Variants in RAP1GAP2 observed in about 807,000 individuals in gnomAD.
RAP1GAP2 encodes the protein RAP1 GTPase activating protein 2.
A neutral mutation model predicts 95.0 loss-of-function variants in RAP1GAP2; 27 were observed. The observed-to-expected ratio is 0.28, with a 90% confidence interval of 0.21 to 0.39. The LOEUF (loss-of-function observed/expected upper bound fraction) is 0.39. RAP1GAP2 is among the 10% of genes least tolerant of loss of function. The pLI is 1.00. For synonymous variants in RAP1GAP2, 373 were observed against 380.9 expected (o/e 0.98, Z 0.24); for missense variants, 771 against 970.0 (o/e 0.79, Z 2.72).
chr17:2,959,206 C>T (rs1304427245), intron 4 of RAP1GAP2, among the ~76,000 whole-genome samples: 1 of 152,150 alleles, frequency 6.6e-6, no homozygotes, highest in Admixed American at 6.6e-5. Flanking sequence ...AGTCCCCTTC[C>T]CACAACTTTG....
chr17:2,940,470 G>C (rs942878212), intron 3 of RAP1GAP2, among the ~76,000 whole-genome samples: 11 of 152,236 alleles, frequency 7.2e-5, no homozygotes, highest in Admixed American at 2.6e-4. Flanking sequence ...CATGGCGAGA[G>C]GGGGAGGGAC....
At chr17:2,794,394 G>T (rs571266724), upstream of RAP1GAP2, among the ~76,000 whole-genome samples, 5 of 152,280 alleles carry the variant, frequency 3.3e-5, no homozygotes, top group African/African-American at 1.2e-4. Context: ...AGTTGTCCAC[G>T]GTACCTGTTG....
At chr17:2,784,491 G>A (rs1292394253) in intron 1 of RAP1GAP2, among the ~76,000 whole-genome samples, 1 of 149,330 alleles carries the variant, frequency 6.7e-6, no homozygotes, top group Non-Finnish European at 1.5e-5. Flanking sequence ...GGCTGGTCTT[G>A]AACTCCTGAC....
At chr17:2,929,577 G>A (rs894971640) in intron 3 of RAP1GAP2, among the ~76,000 whole-genome samples, 6 of 152,154 alleles carry the variant, frequency 3.9e-5, no homozygotes, top group Admixed American at 6.5e-5. Flanking sequence ...GCATCAACAC[G>A]GGGAGCAGGT....
At chr17:2,874,889 A>C (rs779089335) in intron 2 of RAP1GAP2, among the ~76,000 whole-genome samples, 2 of 152,114 alleles carry the variant, frequency 1.3e-5, no homozygotes, top group Admixed American at 6.5e-5. Context: ...ACACAGCCTC[A>C]TACTCGCTTC....
At chr17:2,837,428 A>C (rs2071182223) in intron 2 of RAP1GAP2, among the ~76,000 whole-genome samples, 1 of 151,842 alleles carries the variant, frequency 6.6e-6, no homozygotes, top group Non-Finnish European at 1.5e-5. Context: ...TGTCAGCTAG[A>C]GGAAGGGGCC....
chr17:2,771,162 G>A (rs542852982), intron 2 of RAP1GAP2, among the ~76,000 whole-genome samples: 2 of 152,202 alleles, frequency 1.3e-5, no homozygotes, highest in Non-Finnish European at 2.9e-5. Flanking sequence ...TGGAGGGAGA[G>A]TGGCAGGTAA....
intron 8 of RAP1GAP2, among the ~76,000 whole-genome samples, chr17:2,970,402 GT>G (rs2044816127): frequency 6.6e-6 from 1 of 151,696 alleles, no homozygotes; most frequent in South Asian, 2.1e-4. Flanking sequence ...GATTATGATA[GT>G]TTCTCAGATG....
upstream of RAP1GAP2, among the ~76,000 whole-genome samples, chr17:2,776,724 T>C (rs2068508845): frequency 6.7e-6 from 1 of 148,850 alleles, no homozygotes; most frequent in South Asian, 2.1e-4. Flanking sequence ...GCGCCAGGTG[T>C]GCGGGCGGTG....
intron 3 of RAP1GAP2, 102 bp from the exon 4 acceptor site, chr17:2,957,657 A>G: frequency 7.7e-7 from 1 of 1,299,544 alleles, no homozygotes; most frequent in Non-Finnish European, 1.1e-6. Flanking sequence ...GTCCCTGGGG[A>G]AGCCCCAGGC....
intron 11 of RAP1GAP2, among the ~76,000 whole-genome samples, chr17:2,985,995 C>T (rs962362474): frequency 1.3e-5 from 2 of 152,066 alleles, no homozygotes; most frequent in Non-Finnish European, 2.9e-5. Context: ...CCCATTTCAT[C>T]TTTGTATCAT....
chr17:3,012,927 C>T (rs1018969763), intron 17 of RAP1GAP2, among the ~76,000 whole-genome samples: 7 of 152,132 alleles, frequency 4.6e-5, no homozygotes, highest in African/African-American at 1.2e-4. Context: ...CTTGCTGTAC[C>T]GACGTCAGAT....
intron 3 of RAP1GAP2, among the ~76,000 whole-genome samples, chr17:2,936,449 AAC>A (rs1266989762): frequency 6.6e-6 from 1 of 151,416 alleles, no homozygotes; most frequent in Non-Finnish European, 1.5e-5. Flanking sequence ...CTCTGAGGTT[AAC>A]ACAGACAAAC....
chr17:2,973,174 G>A (rs1339064161), intron 8 of RAP1GAP2, among the ~76,000 whole-genome samples: 1 of 152,116 alleles, frequency 6.6e-6, no homozygotes, highest in Non-Finnish European at 1.5e-5. Flanking sequence ...AAGAGTCATA[G>A]GAGAGGTACT....
intron 3 of RAP1GAP2, among the ~76,000 whole-genome samples, chr17:2,932,549 C>T (rs2043186668): frequency 7.0e-6 from 1 of 143,768 alleles, no homozygotes; most frequent in Non-Finnish European, 1.5e-5. Flanking sequence ...CGCGCCACTG[C>T]ACTCCAGCCT....
chr17:2,869,139 C>T (rs2072738365), intron 2 of RAP1GAP2, among the ~76,000 whole-genome samples: 1 of 152,136 alleles, frequency 6.6e-6, no homozygotes, highest in Admixed American at 6.5e-5. Context: ...TTCCTCATAC[C>T]ACGGCAGTGT....
At chr17:2,878,099 G>C (rs540811421) in intron 2 of RAP1GAP2, among the ~76,000 whole-genome samples, 1 of 152,118 alleles carries the variant, frequency 6.6e-6, no homozygotes, top group Non-Finnish European at 1.5e-5. Context: ...ATGCAGATGC[G>C]TAAAGGTGGG....
Position 2,993,184 on chromosome 17 carries a change from T to C in RAP1GAP2, c.914+1787T>C, listed in dbSNP as rs539457793. Among the ~76,000 whole-genome samples, 3 of 146,108 alleles carry C rather than the reference T, an allele frequency of 2.1e-5. No individual in the cohort carries two copies. The Admixed American group carries it at 2.1e-4, about 10-fold the overall frequency. Reference sequence around the variant, plus strand: ...TTGCAATGAGCTGAGATTGCGCCAGTGCACTTCAGCCTGGTCAATAGAGGG... The same window carrying C: ...TTGCAATGAGCTGAGATTGCGCCAGCGCACTTCAGCCTGGTCAATAGAGGG... On this transcript the variant is annotated intron_variant, in intron 12 of 24. Transcript: ENST00000254695.
chr17:2,926,253 C>G (rs923940645), intron 3 of RAP1GAP2, among the ~76,000 whole-genome samples: 2 of 152,170 alleles, frequency 1.3e-5, no homozygotes, highest in African/African-American at 4.8e-5. Context: ...ATCGGTGCAG[C>G]CTGACTTGGC....
Sources: allele counts gnomAD v4.1 joint callset (sites outside exome capture counted in the v4.1 genomes callset), GRCh38; gene constraint gnomAD v4.1.1; transcripts MANE v1.5; gene names NCBI Gene and HGNC (gene_info 2026-07-23, HGNC 2026-07-21).